PTPRZ1: variants seen among roughly 807,000 people sequenced by gnomAD.
The protein encoded by PTPRZ1 is receptor-type tyrosine-protein phosphatase zeta.
In PTPRZ1, 82 loss-of-function variants were observed where a neutral mutation model predicts 214.1. That is an observed-to-expected ratio of 0.38 (90% CI 0.32 to 0.46). The LOEUF is 0.46. PTPRZ1 is among the 20% of genes least tolerant of loss of function. The probability of loss-of-function intolerance (pLI) is 1.00; values close to 1 mark genes in which losing one functional copy is unlikely to be tolerated. For missense variants in PTPRZ1, 2,603 were observed against 2,748.7 expected (o/e 0.95, Z 1.19); for synonymous variants, 945 against 987.9 (o/e 0.96, Z 0.81).
Position 121,928,781 on chromosome 7 carries a change from C to T in PTPRZ1, c.124+560C>T, listed in dbSNP as rs1310403332. On this transcript the variant is annotated intron_variant, in intron 2 of 29. Coordinates refer to ENST00000393386, the MANE Select transcript of PTPRZ1 (RefSeq NM_002851.3). The stretch of plus-strand genomic sequence containing the variant: ...TCACATTACTAGACTTTGCCTAGAA[C>T]ATTATGAACATCTGAAGTTGGCTTG... 2.0e-5 allele frequency among the ~76,000 whole-genome samples: 3 copies of T among 152,156 alleles called. No individual in the cohort carries two copies. The East Asian group carries it at 5.8e-4, about 29-fold the overall frequency.
At position 121,880,569 on chromosome 7, in the gene PTPRZ1, A is replaced by G. The variant is rs192045256; in HGVS notation, c.58+7012A>G. Among the ~76,000 whole-genome samples the G allele has an allele frequency of 6.6e-5, 10 of 152,240 alleles. 1 individual carries two copies. The highest frequency in any genetic ancestry group is 2.4e-4 in the African/African-American group (10 of 41,560). On this transcript the variant is annotated intron_variant, in intron 1 of 29. Transcript: ENST00000393386. ...GTCTCACTATGAGCTCTTTTCTCTG[A>G]ACTGATTAACTCAGTACCTTGAGTA...
At chr7:121,977,519 A>G (rs999213891) in intron 6 of PTPRZ1, among the ~76,000 whole-genome samples, 52 of 152,332 alleles carry the variant, frequency 3.4e-4, no homozygotes, top group Middle Eastern at 6.8e-3. Context: ...TGAGTTACCA[A>G]TAAAATGAGG....
chr7:121,946,813 A>G (rs1257355163), intron 2 of PTPRZ1, among the ~76,000 whole-genome samples: 1 of 152,202 alleles, frequency 6.6e-6, no homozygotes, highest in African/African-American at 2.4e-5. Context: ...AGAAAAGAGC[A>G]TATTTTTTGT....
chr7:121,941,229 TAGTCATTTGCCTAGAG>T (rs1796232075), intron 2 of PTPRZ1, among the ~76,000 whole-genome samples: 1 of 152,238 alleles, frequency 6.6e-6, no homozygotes, highest in Non-Finnish European at 1.5e-5. Context: ...TAAAGAGACG[TAGTCATTTGCCTAGAG>T]TCACAAAGTA....
Position 122,011,985 on chromosome 7 carries a change from C to T in PTPRZ1, c.2939C>T (p.Thr980Ile), listed in dbSNP as rs764169409. Residue 980 changes from threonine (T) to isoleucine (I), a missense_variant, in exon 12 of 30, where the codon ACT becomes ATT. Thr to Ile is a moderately conservative substitution (Grantham distance 89). This residue lies in a region of PTPRZ1 where 1,913 missense variants were observed against 1,914.3 expected (regional missense o/e 1.00). Coordinates refer to ENST00000393386, the MANE Select transcript of PTPRZ1 (RefSeq NM_002851.3). ...CCTAAGTCTTCGTTAATAACCCCAA[C>T]TGCATCATTACTGCAGCCTACTCAT... ...PIPKSSLITPTASLLQPTHAL... is the reference protein window; with the variant it reads ...PIPKSSLITPIASLLQPTHAL... 2.5e-6 allele frequency: 4 copies of T among 1,614,182 alleles called. No individual in the cohort carries two copies. The highest frequency in any genetic ancestry group is 3.3e-5 in the Admixed American group (2 of 60,032).
chr7:121,915,903 G>A (rs73437150), intron 1 of PTPRZ1, among the ~76,000 whole-genome samples: 8,405 of 151,990 alleles, frequency 0.055, 553 homozygotes, highest in African/African-American at 0.16. Flanking sequence ...CTTTTTCCTA[G>A]ACTTAGAGAG....
chr7:122,009,547 G>A (rs1047962439), intron 11 of PTPRZ1, among the ~76,000 whole-genome samples: 11 of 150,318 alleles, frequency 7.3e-5, no homozygotes, highest in Admixed American at 1.3e-4. Context: ...GTATATATAC[G>A]TATATGTATA....
rs1452229373 is a variant in PTPRZ1, at chr7:122,012,041, G to A, written c.2995G>A (p.Ala999Thr). The change falls in exon 12 of 30, where the codon GCC becomes ACC. Residue 999 changes from alanine (A) to threonine (T), a missense_variant. Coordinates refer to ENST00000393386, the MANE Select transcript of PTPRZ1 (RefSeq NM_002851.3). ...ALSGDGEWSG[A>T]SSDSEFLLPD... ...CTCTGGTGATGGGGAATGGTCTGGA[G>A]CCTCTTCTGATAGTGAATTTCTTTT... The A allele has an allele frequency of 3.0e-5, 48 of 1,614,220 alleles. No individual in the cohort carries two copies. The highest frequency in any genetic ancestry group is 4.1e-5 in the Non-Finnish European group (48 of 1,180,038).
chr7:121,984,107 T>G lies in PTPRZ1; in HGVS notation c.918T>G (p.Ile306Met). 1 of 1,612,496 alleles carries G rather than the reference T, an allele frequency of 6.2e-7. No homozygotes were observed. The highest frequency in any genetic ancestry group is 1.1e-5 in the South Asian group (1 of 90,854). The change falls in exon 8 of 30, where the codon ATT becomes ATG. Residue 306 changes from isoleucine (I) to methionine (M), a missense_variant. Physicochemically the swap from Ile to Met is conservative, Grantham distance 10. This residue lies in a region of PTPRZ1 where 244 missense variants were observed against 333.2 expected (regional missense o/e 0.73). Coordinates refer to ENST00000393386, the MANE Select transcript of PTPRZ1 (RefSeq NM_002851.3). Reference sequence around the variant, plus strand: ...CCTCATACACTGGAAAGGAAGAGATTCATGAAGCAGGTATGTATTTAAATA... The same window carrying G: ...CCTCATACACTGGAAAGGAAGAGATGCATGAAGCAGGTATGTATTTAAATA... ...VFSSYTGKEEIHEAVCSSEPE... is the reference protein window; with the variant it reads ...VFSSYTGKEEMHEAVCSSEPE...
At chr7:122,045,876 T>A (rs2150483464) in intron 23 of PTPRZ1, among the ~76,000 whole-genome samples, 1 of 152,276 alleles carries the variant, frequency 6.6e-6, no homozygotes, top group South Asian at 2.1e-4. Flanking sequence ...CTCTCTTTCC[T>A]GTTAACATCA....
chr7:121,892,910 G>A (rs1163826258), intron 1 of PTPRZ1, among the ~76,000 whole-genome samples: 2 of 151,254 alleles, frequency 1.3e-5, no homozygotes, highest in Non-Finnish European at 2.9e-5. Context: ...AAATATTTTT[G>A]TGATTAGAAA....
At chr7:121,945,302 A>T (rs76769408) in intron 2 of PTPRZ1, among the ~76,000 whole-genome samples, 5,642 of 152,298 alleles carry the variant, frequency 0.037, 116 homozygotes, top group East Asian at 0.084. Context: ...ACTGTGTAAG[A>T]TGCAGTCTCA....
chr7:122,026,597 T>C (rs745800998), intron 13 of PTPRZ1, among the ~76,000 whole-genome samples: 1 of 152,150 alleles, frequency 6.6e-6, no homozygotes, highest in Admixed American at 6.6e-5. Context: ...TACCATACTC[T>C]CCATTTTCCA....
chr7:122,051,378 TG>T, intron 23 of PTPRZ1, 49 bp from the exon 24 acceptor site: 2 of 1,328,886 alleles, frequency 1.5e-6, no homozygotes, highest in African/African-American at 1.4e-5. Flanking sequence ...TGTGTGTATT[TG>T]GGGGACTTAA....
At position 122,050,993 on chromosome 7, in the gene PTPRZ1, G is replaced by C. The variant is rs543374334; in HGVS notation, c.6085-435G>C. Among the ~76,000 whole-genome samples the C allele has an allele frequency of 2.0e-5, 3 of 152,186 alleles. No individual in the cohort carries two copies. In the South Asian group the frequency reaches 6.2e-4, roughly 32 times the overall value. On this transcript the variant is annotated intron_variant, in intron 23 of 29. Transcript: ENST00000393386. ...CCAAATATTCACTAGCTGAGGAGTAGATAAACAGAATGTAGATTATTCATG... is the reference window on the plus strand; with the variant it reads ...CCAAATATTCACTAGCTGAGGAGTACATAAACAGAATGTAGATTATTCATG...
At chr7:122,027,769 A>G (rs1799243707) in intron 13 of PTPRZ1, among the ~76,000 whole-genome samples, 1 of 152,140 alleles carries the variant, frequency 6.6e-6, no homozygotes, top group Admixed American at 6.5e-5. Flanking sequence ...TGCTACTCTT[A>G]TTATCCGAAT....
At chr7:121,906,189 A>G (rs1462028454) in intron 1 of PTPRZ1, among the ~76,000 whole-genome samples, 1 of 152,224 alleles carries the variant, frequency 6.6e-6, no homozygotes, top group Non-Finnish European at 1.5e-5. Context: ...ATTTAAAGGA[A>G]GCAATTATTC....
intron 22 of PTPRZ1, 63 bp from the exon 23 acceptor site, chr7:122,044,359 T>C: frequency 6.3e-7 from 1 of 1,581,130 alleles, no homozygotes; most frequent in Non-Finnish European, 8.7e-7. Context: ...GGTACTATGT[T>C]TGTAGGTAGA....
chr7:122,048,072 A>T (rs2150485739), intron 23 of PTPRZ1, among the ~76,000 whole-genome samples: 1 of 152,308 alleles, frequency 6.6e-6, no homozygotes, highest in African/African-American at 2.4e-5. Context: ...TAAAAATTGG[A>T]AATTGACAGT....
Sources: allele counts gnomAD v4.1 joint callset (sites outside exome capture counted in the v4.1 genomes callset), GRCh38; gene constraint gnomAD v4.1.1; regional missense constraint gnomAD v4.1.1; transcripts MANE v1.5; gene names NCBI Gene and HGNC (gene_info 2026-07-23, HGNC 2026-07-21).